Variants in KAZN observed in about 807,000 individuals in gnomAD.
The protein encoded by KAZN is kazrin.
In KAZN, 40 loss-of-function variants were observed where a neutral mutation model predicts 87.4. That is an observed-to-expected ratio of 0.46 (90% CI 0.36 to 0.60). The LOEUF (loss-of-function observed/expected upper bound fraction) is 0.60, where lower values mean the gene tolerates loss of function less well. Ranked by LOEUF, KAZN falls within the 20% of genes least tolerant of loss-of-function variation. The pLI is 0.00. For missense variants in KAZN, 898 were observed against 1,073.9 expected (o/e 0.84, Z 2.29); for synonymous variants, 466 against 458.3 (o/e 1.02, Z -0.22).
At chr1:15,028,323 G>T (rs948894993) in intron 2 of KAZN, among the ~76,000 whole-genome samples, 2 of 152,252 alleles carry the variant, frequency 1.3e-5, no homozygotes, top group Admixed American at 1.3e-4. Context: ...TTGGCTGCTG[G>T]AATAGGACCC....
At chr1:14,874,359 AC>A (rs1198995177) in intron 1 of KAZN, among the ~76,000 whole-genome samples, 1 of 152,200 alleles carries the variant, frequency 6.6e-6, no homozygotes, top group Non-Finnish European at 1.5e-5. Flanking sequence ...GATGCTGCTG[AC>A]AGATTAAGTA....
chr1:14,584,918 C>T (rs775263297), intron 2 of KAZN, among the ~76,000 whole-genome samples: 4 of 152,184 alleles, frequency 2.6e-5, no homozygotes, highest in Non-Finnish European at 5.9e-5. Flanking sequence ...GCTGGGATTA[C>T]AGGCATGAGC....
Position 14,238,226 on chromosome 1 carries a change from C to G in KAZN, c.249+57634C>G, listed in dbSNP as rs186889473. 3.9e-5 allele frequency among the ~76,000 whole-genome samples: 6 copies of G among 152,310 alleles called. No homozygotes were observed. The East Asian group carries it at 1.2e-3, about 29-fold the overall frequency. Reference sequence around the variant, plus strand: ...GGTAAGCAGTAGACCCAATGCCAGACACTTAGTGGGTGTTTCTCTGCTGGT... The same window carrying G: ...GGTAAGCAGTAGACCCAATGCCAGAGACTTAGTGGGTGTTTCTCTGCTGGT... On this transcript the variant is annotated intron_variant, in intron 2 of 16. Transcript: ENST00000636203.
At chr1:14,288,701 C>T (rs1364780014) in intron 2 of KAZN, among the ~76,000 whole-genome samples, 6 of 152,036 alleles carry the variant, frequency 3.9e-5, no homozygotes, top group South Asian at 2.1e-4. Flanking sequence ...CTCTGATCTT[C>T]GTTATTTCTT....
At chr1:14,249,411 CA>C (rs1649805730) in intron 2 of KAZN, among the ~76,000 whole-genome samples, 1 of 152,188 alleles carries the variant, frequency 6.6e-6, no homozygotes, top group African/African-American at 2.4e-5. Context: ...TCAACAAACC[CA>C]AACTGGTTGA....
intron 2 of KAZN, among the ~76,000 whole-genome samples, chr1:14,332,555 G>GT (rs988086080): frequency 1.1e-4 from 17 of 152,252 alleles, no homozygotes; most frequent in African/African-American, 4.1e-4. Context: ...TTATGGAGTT[G>GT]TTTTATTTTT....
intron 1 of KAZN, among the ~76,000 whole-genome samples, chr1:14,771,809 G>T (rs1645027532): frequency 6.6e-6 from 1 of 152,156 alleles, no homozygotes; most frequent in Non-Finnish European, 1.5e-5. Flanking sequence ...CTGGGTGACA[G>T]AGGGAGACTG....
chr1:14,565,937 T>C (rs1262247590), intron 2 of KAZN, among the ~76,000 whole-genome samples: 1 of 152,182 alleles, frequency 6.6e-6, no homozygotes, highest in Non-Finnish European at 1.5e-5. Context: ...AAGTCATTCA[T>C]GACTTTGAGG....
chr1:14,977,175 T>G (rs1240890979), intron 2 of KAZN, among the ~76,000 whole-genome samples: 1 of 152,252 alleles, frequency 6.6e-6, no homozygotes, highest in African/African-American at 2.4e-5. Context: ...TTTCCCCCTT[T>G]GGGCTGGAGG....
chr1:14,371,058 A>G (rs1451549821), intron 2 of KAZN, among the ~76,000 whole-genome samples: 1 of 152,194 alleles, frequency 6.6e-6, no homozygotes, highest in African/African-American at 2.4e-5. Context: ...AACACTCATA[A>G]AGAAGCTTGA....
At chr1:15,024,531 T>A (rs1573095098) in intron 2 of KAZN, among the ~76,000 whole-genome samples, 1 of 152,110 alleles carries the variant, frequency 6.6e-6, no homozygotes, top group East Asian at 1.9e-4. Flanking sequence ...CTGAGAAAAA[T>A]TCAATAGAGG....
chr1:15,084,981 C>A (rs1388180623), intron 8 of KAZN, among the ~76,000 whole-genome samples: 1 of 151,722 alleles, frequency 6.6e-6, no homozygotes, highest in Non-Finnish European at 1.5e-5. Context: ...CATGAGCAAA[C>A]AACAGGAAAC....
At chr1:14,823,697 C>T (rs1165840556) in intron 1 of KAZN, among the ~76,000 whole-genome samples, 7 of 152,028 alleles carry the variant, frequency 4.6e-5, no homozygotes, top group East Asian at 1.9e-4. Context: ...AGGGACAGAT[C>T]GTATAGTGTG....
intron 1 of KAZN, among the ~76,000 whole-genome samples, chr1:14,777,283 A>G (rs1428151140): frequency 6.6e-6 from 1 of 152,162 alleles, no homozygotes; most frequent in East Asian, 1.9e-4. Context: ...GGCATGAGCC[A>G]CCACGCCCAG....
chr1:14,542,337 T>A (rs1001540294), intron 2 of KAZN, among the ~76,000 whole-genome samples: 7 of 151,362 alleles, frequency 4.6e-5, no homozygotes, highest in African/African-American at 1.7e-4. Flanking sequence ...GAGATATACC[T>A]AATGCTAAAT....
In KAZN at chr1:14,621,813, G is replaced by GC. The variant is rs577695861; in HGVS notation, c.226+22597dup. On this transcript the variant is annotated intron_variant, in intron 1 of 14. Coordinates refer to ENST00000376030, the MANE Select transcript of KAZN (RefSeq NM_201628.3). ...CCTTGCCTTCTGCCATGACTGTGAG[G>GC]CCCCCCCTCAACCATGTGGAACTGT... Among the ~76,000 whole-genome samples the GC allele has an allele frequency of 2.3e-3, 352 of 152,178 alleles. 3 individuals are homozygous for GC. The highest frequency in any genetic ancestry group is 7.5e-4 in the African/African-American group (31 of 41,528).
At chr1:14,432,751 G>A (rs960253880) in intron 2 of KAZN, among the ~76,000 whole-genome samples, 1 of 151,924 alleles carries the variant, frequency 6.6e-6, no homozygotes, top group African/African-American at 2.4e-5. Context: ...AGAGGTCCCG[G>A]TGTGTGTTGT....
At chr1:14,930,397 C>G (rs1042305343) in intron 1 of KAZN, among the ~76,000 whole-genome samples, 6 of 152,122 alleles carry the variant, frequency 3.9e-5, no homozygotes, top group African/African-American at 1.4e-4. Flanking sequence ...CTGCTATTTC[C>G]CGGATGCTTT....
At chr1:14,784,480 C>G (rs528492782) in intron 1 of KAZN, among the ~76,000 whole-genome samples, 1 of 152,088 alleles carries the variant, frequency 6.6e-6, no homozygotes, top group Non-Finnish European at 1.5e-5. Flanking sequence ...ACTCAAGGGC[C>G]GGGCATGGCA....
Sources: allele counts gnomAD v4.1 joint callset (sites outside exome capture counted in the v4.1 genomes callset), GRCh38; gene constraint gnomAD v4.1.1; transcripts MANE v1.5; gene names NCBI Gene and HGNC (gene_info 2026-07-23, HGNC 2026-07-21).